Variants in CHST11 observed in about 807,000 individuals in gnomAD.
CHST11 encodes carbohydrate sulfotransferase 11.
In CHST11, 9 loss-of-function variants were observed where a neutral mutation model predicts 30.4. That is an observed-to-expected ratio of 0.30 (90% CI 0.18 to 0.52). CHST11 has a LOEUF of 0.52. Among genes scored for constraint, CHST11 ranks in the 20% least tolerant of loss-of-function variants. The pLI, the probability that CHST11 is intolerant of heterozygous loss-of-function variation, is 0.97. For synonymous variants in CHST11, 152 were observed against 187.8 expected (o/e 0.81, Z 1.56); for missense variants, 348 against 460.6 (o/e 0.76, Z 2.24).
intron 2 of CHST11, among the ~76,000 whole-genome samples, chr12:104,604,293 G>A (rs1045385855): frequency 2.0e-5 from 3 of 152,200 alleles, no homozygotes; most frequent in African/African-American, 7.2e-5. Context: ...ATTGGGGAGG[G>A]CGTAGGTGGA....
chr12:104,656,082 A>T (rs2039541377), intron 2 of CHST11, among the ~76,000 whole-genome samples: 1 of 152,252 alleles, frequency 6.6e-6, no homozygotes, highest in Non-Finnish European at 1.5e-5. Context: ...AAGACTTTCG[A>T]ACAAACCGTA....
intron 1 of CHST11, among the ~76,000 whole-genome samples, chr12:104,488,695 GTGTGTGTA>G (rs574130156): frequency 0.048 from 7,250 of 150,880 alleles, 450 homozygotes; most frequent in African/African-American, 0.15. Context: ...GTATGCGTAT[GTGTGTGTA>G]TGTGTGTATG....
At chr12:104,712,613 TG>T (rs1190812086) in intron 2 of CHST11, among the ~76,000 whole-genome samples, 4 of 152,112 alleles carry the variant, frequency 2.6e-5, no homozygotes, top group African/African-American at 7.2e-5. Context: ...GTGAAGGAGC[TG>T]GCCACGTCTA....
At chr12:104,710,855 A>G (rs1239722948) in intron 2 of CHST11, among the ~76,000 whole-genome samples, 1 of 152,106 alleles carries the variant, frequency 6.6e-6, no homozygotes, top group Non-Finnish European at 1.5e-5. Context: ...AAACTTCTCT[A>G]CAGCTTCTTT....
At chr12:104,535,793 T>C (rs2038230979) in intron 1 of CHST11, among the ~76,000 whole-genome samples, 1 of 152,198 alleles carries the variant, frequency 6.6e-6, no homozygotes, top group South Asian at 2.1e-4. Context: ...ATGTATTCAT[T>C]TGTGGCAGTA....
chr12:104,682,147 A>G (rs180866501), intron 2 of CHST11, among the ~76,000 whole-genome samples: 7 of 152,206 alleles, frequency 4.6e-5, no homozygotes, highest in African/African-American at 1.2e-4. Flanking sequence ...TTGGTTTTTT[A>G]AAAAAGACAC....
chr12:104,752,139 G>A (rs1566065360), intron 2 of CHST11, among the ~76,000 whole-genome samples: 1 of 152,154 alleles, frequency 6.6e-6, no homozygotes, highest in Non-Finnish European at 1.5e-5. Flanking sequence ...CTCTCTGAAG[G>A]CTCCAGAGGA....
chr12:104,713,944 G>T (rs113827956), intron 2 of CHST11, among the ~76,000 whole-genome samples: 2 of 152,134 alleles, frequency 1.3e-5, no homozygotes, highest in African/African-American at 4.8e-5. Flanking sequence ...CTGGCAGTGG[G>T]TTCTCCTTGG....
intron 1 of CHST11, among the ~76,000 whole-genome samples, chr12:104,457,821 T>C (rs1251261460): frequency 6.6e-6 from 1 of 151,258 alleles, no homozygotes; most frequent in African/African-American, 2.4e-5. Flanking sequence ...CTTTTTTTCT[T>C]TGTGTCCCTT....
At chr12:104,480,033 T>G (rs1193841299) in intron 1 of CHST11, among the ~76,000 whole-genome samples, 1 of 152,218 alleles carries the variant, frequency 6.6e-6, no homozygotes, top group Non-Finnish European at 1.5e-5. Context: ...AAACTTGTGT[T>G]TTCTTTATTC....
chr12:104,643,194 C>T (rs978042215), intron 2 of CHST11, among the ~76,000 whole-genome samples: 2 of 151,736 alleles, frequency 1.3e-5, no homozygotes, highest in African/African-American at 4.8e-5. Flanking sequence ...GGCATGACGG[C>T]ACATGCCTGT....
chr12:104,652,278 G>A (rs1055736823), intron 2 of CHST11, among the ~76,000 whole-genome samples: 1 of 152,108 alleles, frequency 6.6e-6, no homozygotes, highest in African/African-American at 2.4e-5. Context: ...AAAATGGCAC[G>A]GACAATGATG....
intron 2 of CHST11, among the ~76,000 whole-genome samples, chr12:104,730,551 T>G (rs2136132144): frequency 6.6e-6 from 1 of 152,224 alleles, no homozygotes; most frequent in Middle Eastern, 3.4e-3. Flanking sequence ...TGAAATGGTG[T>G]GTCTCGGATG....
At chr12:104,705,642 C>T (rs2040025985) in intron 2 of CHST11, among the ~76,000 whole-genome samples, 1 of 152,178 alleles carries the variant, frequency 6.6e-6, no homozygotes, top group South Asian at 2.1e-4. Context: ...TGGGCAGGGC[C>T]AGGCGCGGTG....
chr12:104,666,852 G>A (rs2039647298), intron 2 of CHST11, among the ~76,000 whole-genome samples: 1 of 151,922 alleles, frequency 6.6e-6, no homozygotes, highest in African/African-American at 2.4e-5. Context: ...CGTGTGCGGT[G>A]GGGTCTGGAG....
intron 1 of CHST11, among the ~76,000 whole-genome samples, chr12:104,531,325 C>CA (rs56385908): frequency 2.0e-5 from 3 of 151,862 alleles, no homozygotes; most frequent in Admixed American, 6.6e-5. Flanking sequence ...CTTGCCTTTA[C>CA]AAAAAATGTA....
chr12:104,483,259 G>T (rs2037644941), intron 1 of CHST11, among the ~76,000 whole-genome samples: 1 of 152,130 alleles, frequency 6.6e-6, no homozygotes, highest in African/African-American at 2.4e-5. Flanking sequence ...AGACTGGAGT[G>T]CAGTGACGTG....
chr12:104,504,451 G>A (rs116678183), intron 1 of CHST11, among the ~76,000 whole-genome samples: 133 of 152,364 alleles, frequency 8.7e-4, no homozygotes, highest in African/African-American at 3.1e-3. Flanking sequence ...CAGGTGGGCA[G>A]CCCGTGCTGG....
intron 1 of CHST11, among the ~76,000 whole-genome samples, chr12:104,496,323 A>G (rs1172690708): frequency 1.3e-5 from 2 of 152,228 alleles, no homozygotes; most frequent in Non-Finnish European, 1.5e-5. Flanking sequence ...CAAATAAAAA[A>G]TCAATGTGAC....
Sources: allele counts gnomAD v4.1 joint callset (sites outside exome capture counted in the v4.1 genomes callset), GRCh38; gene constraint gnomAD v4.1.1; transcripts MANE v1.5; gene names NCBI Gene and HGNC (gene_info 2026-07-23, HGNC 2026-07-21).